ERAS: variants seen among roughly 807,000 people sequenced by gnomAD.
The protein encoded by ERAS is ES cell expressed Ras.
For synonymous variants in ERAS, 87 were observed against 89.1 expected (o/e 0.98, Z 0.13); for missense variants, 137 against 199.2 (o/e 0.69, Z 1.88).
At position 48,829,367 on chromosome X, in the gene ERAS, T is replaced by C; in HGVS notation, c.244T>C (p.Leu82=). The change falls in exon 2 of 2, where the codon TTG becomes CTG. Residue 82 remains leucine (L), a synonymous_variant. Coordinates refer to ENST00000636362, the MANE Select transcript of ERAS (RefSeq NM_181532.3). ...CATCCAGGATTCCTACTGGAAGGAG[T>C]TGACCCTGGACAGTGGGGACTGCAT... The part of the protein sequence containing the change: ...PTIQDSYWKE[L]TLDSGDCILN... 8.3e-7 allele frequency: 1 copy of C among 1,211,034 alleles called. No individual in the cohort carries two copies. The highest frequency in any genetic ancestry group is 1.1e-6 in the Non-Finnish European group (1 of 895,104).
At chrX:48,827,299 A>G (rs2063162218) in intron 1 of ERAS, among the ~76,000 whole-genome samples, 1 of 109,654 alleles carries the variant, frequency 9.1e-6, no homozygotes, top group South Asian at 3.9e-4. Context: ...CTTCTGACCC[A>G]TCCCTAAAGA....
Position 48,829,572 on chromosome X carries a change from GCAA to G in ERAS, c.453_455del (p.Asn151del), listed in dbSNP as rs1240155446. ...CCCGCCCAGCCCCTTGTCCTCGTGG[GCAA>G]CAAGTGTGACCTTGTGACCACTGCT... On this transcript the variant is annotated inframe_deletion, in exon 2 of 2. Transcript: ENST00000636362. The G allele has an allele frequency of 4.1e-6, 5 of 1,210,515 alleles. No individual in the cohort carries two copies. Among genetic ancestry groups the G allele is most frequent in the Non-Finnish European group, 5.6e-6 (5 of 894,463 alleles).
Position 48,829,815 on chromosome X carries a change from C to CTG in ERAS, c.695_696dup (p.Ala233TrpfsTer10), listed in dbSNP as rs1419519670. 2 of 1,146,853 alleles carry CTG rather than the reference C, an allele frequency of 1.7e-6. No individual in the cohort carries two copies. Among genetic ancestry groups the CTG allele is most frequent in the Non-Finnish European group, 2.3e-6 (2 of 861,581 alleles). The allele number at this position is 1,146,853 out of a possible 1,213,427, so 94.5% of individuals were successfully genotyped here. On this transcript the variant is annotated frameshift_variant, in exon 2 of 2. Coordinates refer to ENST00000636362, the MANE Select transcript of ERAS (RefSeq NM_181532.3). LOFTEE classifies it high-confidence loss of function. Reference sequence around the variant, plus strand: ...AAGGCCACCTGCCACTGTGGCTGCTCTGTGGCCTGAAGGTCTTGGCCAAGA... The same window carrying CTG: ...AAGGCCACCTGCCACTGTGGCTGCTCTGTGTGGCCTGAAGGTCTTGGCCAAGA...
intron 1 of ERAS, among the ~76,000 whole-genome samples, chrX:48,828,021 C>CT (rs150963546): frequency 0.024 from 2,127 of 89,792 alleles, 68 homozygotes; most frequent in East Asian, 0.075. Flanking sequence ...ATATAGTTCA[C>CT]TTTTTTTTTT....
Position 48,829,612 on chromosome X carries a change from T to TGCCGCTGCTGCAGCCCTC in ERAS, c.492_509dup (p.Ala165_Ala170dup). 8.3e-7 allele frequency: 1 copy of TGCCGCTGCTGCAGCCCTC among 1,209,423 alleles called. No homozygotes were observed. Among genetic ancestry groups the TGCCGCTGCTGCAGCCCTC allele is most frequent in the Non-Finnish European group, 1.1e-6 (1 of 893,787 alleles). ...TTGTGACCACTGCTGGAGATGCTCA[T>TGCCGCTGCTGCAGCCCTC]GCCGCTGCTGCAGCCCTCGCACACA... On this transcript the variant is annotated inframe_insertion, in exon 2 of 2. Coordinates refer to ENST00000636362, the MANE Select transcript of ERAS (RefSeq NM_181532.3).
rs868935025 is a variant in ERAS at position 48,829,685 on chromosome X, G to A, written c.562G>A (p.Val188Met). 6.6e-6 allele frequency: 8 copies of A among 1,207,949 alleles called. No individual in the cohort carries two copies. The highest frequency in any genetic ancestry group is 1.8e-5 in the South Asian group (1 of 56,242). ...GACCTCGGCCAAAACACGGCAAGGCGTGGAGGAGGCCTTTTCCCTGCTGGT... is the reference window on the plus strand; with the variant it reads ...GACCTCGGCCAAAACACGGCAAGGCATGGAGGAGGCCTTTTCCCTGCTGGT... ...VETSAKTRQG[V>M]EEAFSLLVHE... The change falls in exon 2 of 2, where the codon GTG becomes ATG. Residue 188 changes from valine (V) to methionine (M), a missense_variant. By Grantham distance (21) the Val-to-Met change is conservative (BLOSUM62 1). Coordinates refer to ENST00000636362, the MANE Select transcript of ERAS (RefSeq NM_181532.3).
chrX:48,827,617 C>T (rs1300657814), intron 1 of ERAS, among the ~76,000 whole-genome samples: 1 of 112,125 alleles, frequency 8.9e-6, no homozygotes, highest in Non-Finnish European at 1.9e-5. Context: ...CCATCCGCCC[C>T]CAAACTGCCG....
intron 1 of ERAS, among the ~76,000 whole-genome samples, chrX:48,827,151 G>A (rs1332787939): frequency 2.7e-5 from 3 of 111,309 alleles, no homozygotes; most frequent in Non-Finnish European, 3.8e-5. Context: ...GTGTGGCCCC[G>A]TCCCGCCAGG....
intron 1 of ERAS, chrX:48,828,853 C>G: frequency 1.1e-5 from 3 of 272,901 alleles, no homozygotes; most frequent in Non-Finnish European, 1.9e-5. Flanking sequence ...GGAAATCCAG[C>G]CTTCACAGTT....
chrX:48,826,753 C>CGGTGTG (rs2063160217), intron 1 of ERAS, among the ~76,000 whole-genome samples: 1 of 112,092 alleles, frequency 8.9e-6, no homozygotes, highest in Non-Finnish European at 1.9e-5. Context: ...GCCCGGGCGA[C>CGGTGTG]GCTGCTCACA....
At chrX:48,827,830 CT>C (rs2063163257) in intron 1 of ERAS, among the ~76,000 whole-genome samples, 1 of 111,362 alleles carries the variant, frequency 9.0e-6, no homozygotes, top group African/African-American at 3.3e-5. Flanking sequence ...GTTACTGTCT[CT>C]TTCTCTCTGC....
At chrX:48,829,018 G>A in intron 1 of ERAS, 63 bp from the exon 2 acceptor site, 1 of 611,638 alleles carries the variant, frequency 1.6e-6, no homozygotes. Flanking sequence ...CTGTCTCCTT[G>A]CCCTCAAATG....
rs782675881 is a variant in ERAS at position 48,829,276 on chromosome X, C to A, written c.153C>A (p.Gly51=). 5 of 1,210,178 alleles carry A rather than the reference C, an allele frequency of 4.1e-6. No individual in the cohort carries two copies. In the East Asian group the frequency reaches 1.5e-4, roughly 36 times the overall value. The change falls in exon 2 of 2, where the codon GGC becomes GGA. Residue 51 remains glycine, a synonymous_variant. Transcript: ENST00000636362. The stretch of plus-strand genomic sequence containing the variant: ...AGGCTGTGGTGGTGGGCGCCAGTGG[C>A]GTGGGCAAGAGTGCGCTGACCATCC... ...EYKAVVVGAS[G]VGKSALTIQL... is the part of the protein sequence containing the mutation.
Position 48,829,384 on chromosome X carries a change from G to A in ERAS, c.261G>A (p.Gly87=), listed in dbSNP as rs185237959. 8.3e-7 allele frequency: 1 copy of A among 1,210,129 alleles called. No homozygotes were observed. Among genetic ancestry groups the A allele is most frequent in the Admixed American group, 2.2e-5 (1 of 45,989 alleles). Residue 87 remains glycine, a synonymous_variant, in exon 2 of 2, where the codon GGG becomes GGA. Transcript: ENST00000636362. ...GGAAGGAGTTGACCCTGGACAGTGG[G>A]GACTGCATTCTGAATGTGCTGGACA... is the stretch of plus-strand genomic sequence containing the variant. The part of the protein sequence containing the change: ...SYWKELTLDS[G]DCILNVLDTA...
intron 1 of ERAS, among the ~76,000 whole-genome samples, chrX:48,826,989 G>A (rs2063161480): frequency 8.9e-6 from 1 of 112,711 alleles, no homozygotes; most frequent in Admixed American, 9.2e-5. Flanking sequence ...CGCCACTTGA[G>A]AGGACCGAGC....
chrX:48,827,065 G>T (rs1423961632), intron 1 of ERAS, among the ~76,000 whole-genome samples: 1 of 112,246 alleles, frequency 8.9e-6, no homozygotes, highest in East Asian at 2.9e-4. Flanking sequence ...GTGCCTCTGC[G>T]CCTCGGGCTC....
intron 1 of ERAS, among the ~76,000 whole-genome samples, chrX:48,828,063 T>C (rs781847517): frequency 2.0e-5 from 2 of 102,183 alleles, no homozygotes; most frequent in Non-Finnish European, 4.0e-5. Flanking sequence ...TTTGCTCTTA[T>C]CTCCCAGGCT....
intron 1 of ERAS, among the ~76,000 whole-genome samples, chrX:48,828,230 TG>T (rs1195133018): frequency 9.0e-6 from 1 of 110,595 alleles, no homozygotes; most frequent in Non-Finnish European, 1.9e-5. Context: ...GGTTTCGCAA[TG>T]TTGGGCAGGC....
chrX:48,828,480 T>G (rs782455777), intron 1 of ERAS, among the ~76,000 whole-genome samples: 2 of 112,633 alleles, frequency 1.8e-5, no homozygotes, highest in South Asian at 7.2e-4. Flanking sequence ...AAAGACTACA[T>G]TCTAATGATA....
Sources: gnomAD v4.1 joint callset for allele counts (sites outside exome capture counted in the v4.1 genomes callset) on GRCh38, gnomAD v4.1.1 for gene constraint, MANE v1.5 for transcripts, NCBI Gene and HGNC (gene_info 2026-07-23, HGNC 2026-07-21) for gene names.